APBA3: variants seen among roughly 807,000 people sequenced by gnomAD.
APBA3 encodes the protein amyloid beta precursor protein binding family A member 3.
APBA3 carries 45 observed loss-of-function variants against 55.9 expected under a neutral mutation model. The observed-to-expected ratio is 0.80, with a 90% confidence interval of 0.63 to 1.03. The LOEUF (loss-of-function observed/expected upper bound fraction) is 1.03, where lower values mean the gene tolerates loss of function less well. APBA3 is among the 50% of genes least tolerant of loss of function. The pLI is 0.00. For synonymous variants in APBA3, 370 were observed against 353.3 expected (o/e 1.05, Z -0.53); for missense variants, 865 against 820.3 (o/e 1.05, Z -0.67).
chr19:3,757,435 G>C (rs61479660), intron 3 of APBA3, among the ~76,000 whole-genome samples: 5,645 of 151,894 alleles, frequency 0.037, 380 homozygotes, highest in African/African-American at 0.13. Flanking sequence ...TATATCCTTA[G>C]CGAAGTGTAG....
intron 1 of APBA3, among the ~76,000 whole-genome samples, chr19:3,760,672 C>T (rs1479750428): frequency 1.3e-5 from 2 of 151,424 alleles, no homozygotes; most frequent in Admixed American, 1.3e-4. Flanking sequence ...TCGCCTGAAC[C>T]CGGGAGGCGG....
chr19:3,754,595 G>A, intron 3 of APBA3: 1 of 478,014 alleles, frequency 2.1e-6, no homozygotes, highest in Non-Finnish European at 3.7e-6. Flanking sequence ...TGGATTCAAA[G>A]CCAGATCTAG....
chr19:3,758,931 G>A (rs2037111330), intron 3 of APBA3, among the ~76,000 whole-genome samples: 1 of 151,920 alleles, frequency 6.6e-6, no homozygotes, highest in Non-Finnish European at 1.5e-5. Context: ...AATTAAAAAT[G>A]CAAAGGACAC....
At position 3,751,102 on chromosome 19, in the gene APBA3, G is replaced by C. The variant is rs2036991984; in HGVS notation, c.1657-5C>G. The stretch of plus-strand genomic sequence containing the variant: ...TGGCATCGTCTTGATATGCACCTGG[G>C]GAGTGGAGGCGGAACGGGGCTCAGG... On this transcript the variant is annotated splice_region_variant and splice_polypyrimidine_tract_variant and intron_variant, in intron 10 of 10. Coordinates refer to ENST00000316757, the MANE Select transcript of APBA3 (RefSeq NM_004886.4). The C allele has an allele frequency of 1.3e-6, 2 of 1,566,938 alleles. No individual in the cohort carries two copies. The highest frequency in any genetic ancestry group is 1.7e-6 in the Non-Finnish European group (2 of 1,155,604).
At chr19:3,759,065 A>C (rs1330699383) in intron 3 of APBA3, among the ~76,000 whole-genome samples, 1 of 149,358 alleles carries the variant, frequency 6.7e-6, no homozygotes, top group African/African-American at 2.5e-5. Flanking sequence ...CTACCCAAAT[A>C]AATACGAAAT....
chr19:3,758,134 CA>C (rs1173584596), intron 3 of APBA3, among the ~76,000 whole-genome samples: 1 of 151,992 alleles, frequency 6.6e-6, no homozygotes. Flanking sequence ...GGGGTTTCAC[CA>C]ATGTTGGCCA....
intron 3 of APBA3, 148 bp from the exon 4 acceptor site, chr19:3,754,488 T>A: frequency 9.2e-7 from 1 of 1,085,558 alleles, no homozygotes; most frequent in Non-Finnish European, 1.3e-6. Flanking sequence ...CCCACTGTTC[T>A]AGAACCATCC....
At position 3,752,592 on chromosome 19, in the gene APBA3, G is replaced by A. The variant is rs760349045; in HGVS notation, c.1311C>T (p.Ala437=). The A allele has an allele frequency of 4.4e-6, 7 of 1,586,772 alleles. No individual in the cohort carries two copies. The African/African-American group carries it at 8.0e-5, about 18-fold the overall frequency. ...LHGGPAERSG[A]LSIGDRLTAI... ...CGGTCAGGCGGTCCCCGATGCTGAG[G>A]GCCCCCGAGCGCTCAGCAGGCCCCC... Residue 437 remains alanine (A), a synonymous_variant, in exon 8 of 11, where the codon GCC becomes GCT. Transcript: ENST00000316757.
chr19:3,759,671 G>T lies in APBA3; in HGVS notation c.576+18C>A, dbSNP rs2037119905. 1 of 1,610,420 alleles carries T rather than the reference G, an allele frequency of 6.2e-7. No homozygotes were observed. The highest frequency in any genetic ancestry group is 8.5e-7 in the Non-Finnish European group (1 of 1,179,022). On this transcript the variant is annotated intron_variant, in intron 2 of 10. Transcript: ENST00000316757. ...TTCCAGGCAGTCCAGGATGCCTGGA[G>T]GGCGGGGCGGGCACTACCTGGGCAC...
intron 2 of APBA3, 33 bp from the exon 3 acceptor site, chr19:3,759,633 T>C: frequency 6.2e-7 from 1 of 1,602,396 alleles, no homozygotes; most frequent in Middle Eastern, 1.7e-4. Context: ...CAGGACTGAG[T>C]CTCCCTGCTT....
At chr19:3,753,294 G>T in intron 6 of APBA3, 1 of 483,246 alleles carries the variant, frequency 2.1e-6, no homozygotes, top group Non-Finnish European at 3.7e-6. Context: ...CCTCATGGGT[G>T]GCAGGGACAG....
intron 3 of APBA3, chr19:3,756,521 AAAT>A (rs2037081434): frequency 6.6e-6 from 1 of 152,318 alleles, no homozygotes; most frequent in East Asian, 1.9e-4. Context: ...TTGTATGTTG[AAAT>A]AATATTTTAA....
At chr19:3,759,244 C>T (rs1025957321) in intron 3 of APBA3, among the ~76,000 whole-genome samples, 3 of 152,144 alleles carry the variant, frequency 2.0e-5, no homozygotes, top group Non-Finnish European at 2.9e-5. Flanking sequence ...AAGCCCCAAA[C>T]GCAAAAACCA....
chr19:3,761,112 AG>A (rs1265506287), intron 1 of APBA3, among the ~76,000 whole-genome samples: 4 of 152,062 alleles, frequency 2.6e-5, no homozygotes, highest in Non-Finnish European at 5.9e-5. Flanking sequence ...TGGCTTCCCG[AG>A]CCCCTGTGTC....
intron 3 of APBA3, 114 bp from the exon 4 acceptor site, chr19:3,754,454 G>A: frequency 7.3e-7 from 1 of 1,378,144 alleles, no homozygotes; most frequent in Non-Finnish European, 9.8e-7. Flanking sequence ...TGGTGGCTTA[G>A]CACTCTCCAG....
chr19:3,750,843 A>G lies in APBA3; in HGVS notation c.*183T>C. On this transcript the variant is annotated 3_prime_UTR_variant, in exon 11 of 11. Transcript: ENST00000316757. ...CTTCTAGTGGCTTCCAGGAAGGACA[A>G]GGTCCTCGGTCCCGTAGACCCTGAT... 1 of 957,280 alleles carries G rather than the reference A, an allele frequency of 1.0e-6. No homozygotes were observed. Among genetic ancestry groups the G allele is most frequent in the Non-Finnish European group, 1.6e-6 (1 of 625,654 alleles). The allele number at this position is 957,280 out of a possible 1,614,324, so 59.3% of individuals were successfully genotyped here.
intron 8 of APBA3, 34 bp downstream of exon 8, chr19:3,752,474 G>A (rs1399142036): frequency 6.6e-7 from 1 of 1,523,060 alleles, no homozygotes. Context: ...CCCTTCCTGG[G>A]AGTGTGGGGG....
intron 9 of APBA3, 22 bp from the exon 10 acceptor site, chr19:3,751,351 C>A (rs760692286): frequency 6.6e-7 from 1 of 1,519,466 alleles, no homozygotes; most frequent in South Asian, 1.2e-5. Flanking sequence ...AAGAGGGGGA[C>A]GGGAAAGAGG....
chr19:3,753,782 C>T lies in APBA3; in HGVS notation c.994G>A (p.Val332Ile), dbSNP rs2037039612. The T allele has an allele frequency of 4.5e-6, 7 of 1,558,858 alleles. No individual in the cohort carries two copies. Among genetic ancestry groups the T allele is most frequent in the Non-Finnish European group, 5.2e-6 (6 of 1,153,800 alleles). Residue 332 changes from valine (V) to isoleucine (I), a missense_variant, in exon 6 of 11, where the codon GTA becomes ATA. Coordinates refer to ENST00000316757, the MANE Select transcript of APBA3 (RefSeq NM_004886.4). ...CTGCTCACGTCCTCCGCGTAGAATACGTGGCAGAGCATCTTGTAGAGGCGG... is the reference window on the plus strand; with the variant it reads ...CTGCTCACGTCCTCCGCGTAGAATATGTGGCAGAGCATCTTGTAGAGGCGG... Reference protein sequence around the residue: ...GRRLYKMLCHVFYAEDAQLIA... With the variant: ...GRRLYKMLCHIFYAEDAQLIA...
Sources: allele counts gnomAD v4.1 joint callset (sites outside exome capture counted in the v4.1 genomes callset), GRCh38; gene constraint gnomAD v4.1.1; transcripts MANE v1.5; gene names NCBI Gene and HGNC (gene_info 2026-07-23, HGNC 2026-07-21).